The following RGS7 variants were observed in gnomAD, a reference collection of about 807,000 sequenced individuals.
The protein encoded by RGS7 is regulator of G protein signaling 7.
Under a neutral mutation model 81.1 loss-of-function variants are expected in RGS7, and 27 were observed. That is an observed-to-expected ratio of 0.33 (90% CI 0.25 to 0.46). The LOEUF (loss-of-function observed/expected upper bound fraction) is 0.46, where lower values mean the gene tolerates loss of function less well. RGS7 is among the 20% of genes least tolerant of loss of function. The pLI, the probability that RGS7 is intolerant of heterozygous loss-of-function variation, is 1.00. For missense variants in RGS7, 396 were observed against 607.4 expected, an observed-to-expected ratio of 0.65 and a Z score of 3.66; for synonymous variants, 208 against 207.7, an observed-to-expected ratio of 1.00 and a Z score of -0.01.
intron 2 of RGS7, among the ~76,000 whole-genome samples, chr1:241,325,685 G>T (rs1350982093): frequency 6.6e-6 from 1 of 152,144 alleles, no homozygotes; most frequent in African/African-American, 2.4e-5. Flanking sequence ...ATCATGCAGG[G>T]ATTTTAGATC....
At chr1:241,239,859 T>C (rs1364593336) in intron 2 of RGS7, among the ~76,000 whole-genome samples, 1 of 152,180 alleles carries the variant, frequency 6.6e-6, no homozygotes. Flanking sequence ...TGCAGAGAAC[T>C]AGAGGGCCAT....
rs776402298 is a variant in RGS7, at chr1:241,098,655, T to C, written c.175+11A>G. ...CAGGAGAAAACAGAACTGTGCTCCA[T>C]GCAGACTTACCAGAGAAGACGCTAG... On this transcript the variant is annotated intron_variant, in intron 3 of 18. Transcript: ENST00000440928. 2 of 1,585,556 alleles carry C rather than the reference T, an allele frequency of 1.3e-6. No individual in the cohort carries two copies. Among genetic ancestry groups the C allele is most frequent in the Non-Finnish European group, 1.7e-6 (2 of 1,154,246 alleles).
chr1:241,293,209 A>G (rs2079187408), intron 2 of RGS7, among the ~76,000 whole-genome samples: 3 of 152,202 alleles, frequency 2.0e-5, no homozygotes, highest in African/African-American at 7.2e-5. Context: ...TGCATTACTC[A>G]TTGTTGTAAA....
intron 3 of RGS7, among the ~76,000 whole-genome samples, chr1:241,005,142 T>C (rs891927468): frequency 5.3e-5 from 8 of 152,184 alleles, no homozygotes; most frequent in Non-Finnish European, 1.0e-4. Context: ...CCCCATTCTT[T>C]ATGGTGACTG....
chr1:241,312,392 G>A (rs556345423), intron 2 of RGS7, among the ~76,000 whole-genome samples: 6 of 152,222 alleles, frequency 3.9e-5, no homozygotes, highest in African/African-American at 9.6e-5. Flanking sequence ...TGACAACTCC[G>A]CACTGAGCAA....
intron 4 of RGS7, among the ~76,000 whole-genome samples, chr1:240,949,339 T>C (rs931548063): frequency 6.6e-6 from 1 of 152,190 alleles, no homozygotes; most frequent in African/African-American, 2.4e-5. Flanking sequence ...AGACTTCATT[T>C]CTTCAGCCAT....
intron 3 of RGS7, among the ~76,000 whole-genome samples, chr1:240,988,011 CAAGA>C (rs983448491): frequency 2.0e-5 from 3 of 152,004 alleles, no homozygotes; most frequent in African/African-American, 7.2e-5. Context: ...CTTTAAGGAA[CAAGA>C]AAGAAAGAAT....
intron 3 of RGS7, among the ~76,000 whole-genome samples, chr1:241,088,502 ACAGT>A (rs1487182073): frequency 6.6e-6 from 1 of 152,082 alleles, no homozygotes; most frequent in African/African-American, 2.4e-5. Flanking sequence ...AAAATGAAAC[ACAGT>A]CAGAGCCCAG....
chr1:241,087,995 T>TATATACAC (rs1553414167), intron 3 of RGS7, among the ~76,000 whole-genome samples: 1 of 116,342 alleles, frequency 8.6e-6, no homozygotes, highest in South Asian at 2.7e-4. Flanking sequence ...TATATATATA[T>TATATACAC]ACACACACAC....
intron 2 of RGS7, among the ~76,000 whole-genome samples, chr1:241,151,142 C>T (rs1350660228): frequency 6.6e-6 from 1 of 152,228 alleles, no homozygotes; most frequent in Non-Finnish European, 1.5e-5. Flanking sequence ...TGCATACACA[C>T]CCTAACAGTC....
intron 2 of RGS7, among the ~76,000 whole-genome samples, chr1:241,175,590 C>T (rs2071073730): frequency 6.6e-6 from 1 of 152,126 alleles, no homozygotes. Flanking sequence ...AGAATGCTAG[C>T]CAGACCATGA....
rs12759971 is a variant in RGS7, at chr1:240,870,098, G to A, written c.407C>T (p.Thr136Ile). 1 of 1,613,828 alleles carries A rather than the reference G, an allele frequency of 6.2e-7. No homozygotes were observed. Among genetic ancestry groups the A allele is most frequent in the Non-Finnish European group, 8.5e-7 (1 of 1,179,932 alleles). The stretch of plus-strand genomic sequence containing the variant: ...CTCCAGTCGTGCCTTGTTTTGCATT[G>A]TTCTCTTGCAGAGGTAAACGGCTGA... ...TDYAVYLCKR[T>I]MQNKARLELA... Residue 136 changes from threonine to isoleucine, a missense_variant, in exon 7 of 19, where the codon ACA (threonine) becomes ATA (isoleucine). Transcript: ENST00000440928.
intron 4 of RGS7, among the ~76,000 whole-genome samples, chr1:240,956,369 A>T (rs1185781866): frequency 1.2e-5 from 1 of 81,288 alleles, no homozygotes; most frequent in African/African-American, 4.1e-5. Flanking sequence ...CAAAGTACCA[A>T]AAACAAAAAA....
intron 2 of RGS7, among the ~76,000 whole-genome samples, chr1:241,140,054 C>A (rs558059866): frequency 6.6e-6 from 1 of 152,288 alleles, no homozygotes; most frequent in East Asian, 1.9e-4. Flanking sequence ...CCCTCCAGAC[C>A]TGCTCTTCTC....
At chr1:240,994,673 T>G (rs1227730900) in intron 3 of RGS7, among the ~76,000 whole-genome samples, 1 of 151,976 alleles carries the variant, frequency 6.6e-6, no homozygotes, top group Non-Finnish European at 1.5e-5. Flanking sequence ...TTTTCTTGCT[T>G]TATTGCCCTG....
intron 2 of RGS7, among the ~76,000 whole-genome samples, chr1:241,306,699 A>G (rs1203899041): frequency 6.6e-6 from 1 of 151,292 alleles, no homozygotes; most frequent in African/African-American, 2.4e-5. Context: ...TTACACACAC[A>G]TACACCCTTA....
chr1:241,347,145 T>G (rs1437715191), intron 2 of RGS7, among the ~76,000 whole-genome samples: 5 of 152,224 alleles, frequency 3.3e-5, no homozygotes, highest in Non-Finnish European at 5.9e-5. Flanking sequence ...ATTTGTATTG[T>G]TCTTGACATC....
intron 3 of RGS7, among the ~76,000 whole-genome samples, chr1:241,068,238 G>GTATATATATATATATA (rs1553407877): frequency 2.8e-5 from 1 of 35,674 alleles, no homozygotes; most frequent in African/African-American, 9.5e-5. Context: ...GTGTGTGTGT[G>GTATATATATATATATA]TATATATATA....
chr1:240,822,415 A>G (rs1691967031), intron 10 of RGS7, among the ~76,000 whole-genome samples: 1 of 152,230 alleles, frequency 6.6e-6, no homozygotes, highest in African/African-American at 2.4e-5. Context: ...AGATGGTACG[A>G]TGATGTGACT....
Sources: gnomAD v4.1 joint callset for allele counts (sites outside exome capture counted in the v4.1 genomes callset) on GRCh38, gnomAD v4.1.1 for gene constraint, MANE v1.5 for transcripts, NCBI Gene and HGNC (gene_info 2026-07-23, HGNC 2026-07-21) for gene names.